PACRG: variants seen among roughly 807,000 people sequenced by gnomAD.
The protein encoded by PACRG is parkin coregulated gene protein.
PACRG carries 29 observed loss-of-function variants against 29.7 expected under a neutral mutation model. The ratio of observed to expected loss-of-function variants is 0.98; its 90% confidence interval spans 0.73 to 1.33. The LOEUF (loss-of-function observed/expected upper bound fraction) is 1.33, where lower values mean the gene tolerates loss of function less well. Among genes scored for constraint, PACRG ranks in the 40% most tolerant of loss-of-function variants. PACRG has a pLI of 0.00. For missense variants in PACRG, 279 were observed against 316.2 expected, an observed-to-expected ratio of 0.88 and a Z score of 0.89; for synonymous variants, 116 against 118.7, an observed-to-expected ratio of 0.98 and a Z score of 0.15.
chr6:163,027,892 A>T (rs549986829), intron 2 of PACRG, among the ~76,000 whole-genome samples: 1 of 152,280 alleles, frequency 6.6e-6, no homozygotes, highest in African/African-American at 2.4e-5. Context: ...TCTCTTTTCC[A>T]GTGGTAATAA....
At chr6:163,309,215 G>A (rs974396775) in intron 4 of PACRG, among the ~76,000 whole-genome samples, 4 of 152,214 alleles carry the variant, frequency 2.6e-5, no homozygotes, top group African/African-American at 9.6e-5. Context: ...GGCAGCAAAT[G>A]CTCCACATGC....
intron 4 of PACRG, among the ~76,000 whole-genome samples, chr6:163,201,641 A>C (rs1469617699): frequency 6.6e-6 from 1 of 152,204 alleles, no homozygotes. Context: ...AGAAAGGAAC[A>C]AGTCATGGGC....
intron 2 of PACRG, among the ~76,000 whole-genome samples, chr6:162,881,067 G>C (rs1229830203): frequency 6.6e-6 from 1 of 152,200 alleles, no homozygotes; most frequent in Non-Finnish European, 1.5e-5. Context: ...AGTGATGCTG[G>C]CAATGGTATC....
intron 2 of PACRG, among the ~76,000 whole-genome samples, chr6:162,822,607 T>C (rs926991335): frequency 6.6e-6 from 1 of 152,212 alleles, no homozygotes; most frequent in East Asian, 1.9e-4. Context: ...TTTGTAGCCA[T>C]AAATTCTCAA....
At chr6:162,791,073 T>G (rs563515877) in intron 1 of PACRG, among the ~76,000 whole-genome samples, 1 of 152,306 alleles carries the variant, frequency 6.6e-6, no homozygotes, top group South Asian at 2.1e-4. Context: ...GTACTGTAGT[T>G]AGGTAGAATT....
At chr6:162,827,227 T>G (rs1788363147) in intron 2 of PACRG, among the ~76,000 whole-genome samples, 1 of 152,196 alleles carries the variant, frequency 6.6e-6, no homozygotes, top group Non-Finnish European at 1.5e-5. Context: ...TTTTTATAAT[T>G]CTATTTGGGA....
In PACRG at chr6:163,220,341, A is replaced by C. The variant is rs112972077; in HGVS notation, c.614-94486A>C. On this transcript the variant is annotated intron_variant, in intron 4 of 4. Coordinates refer to ENST00000366888, the MANE Select transcript of PACRG (RefSeq NM_001080379.2). ...ATCCAGGGGTGTGCTCCCAGTACTC[A>C]GGCCTCTTGGCAGGGCATTCTGAGA... Among the ~76,000 whole-genome samples, 205 of 152,308 alleles carry C rather than the reference A, an allele frequency of 1.3e-3. 1 individual carries two copies. The highest frequency in any genetic ancestry group is 4.6e-3 in the African/African-American group (193 of 41,564).
intron 1 of PACRG, among the ~76,000 whole-genome samples, chr6:162,732,494 A>T (rs1479421551): frequency 1.3e-5 from 2 of 152,182 alleles, no homozygotes; most frequent in Non-Finnish European, 2.9e-5. Flanking sequence ...TCCGGCTCAA[A>T]CTCACAATGT....
chr6:163,099,219 G>A (rs1049472161), intron 4 of PACRG, among the ~76,000 whole-genome samples: 3 of 152,230 alleles, frequency 2.0e-5, no homozygotes, highest in African/African-American at 7.2e-5. Context: ...TGACTGGGTT[G>A]TGGCTGGTTT....
At chr6:163,231,489 T>C (rs1368495495) in intron 4 of PACRG, among the ~76,000 whole-genome samples, 3 of 152,138 alleles carry the variant, frequency 2.0e-5, no homozygotes, top group Admixed American at 6.5e-5. Context: ...CACAGTGACA[T>C]GCCGGGTTGT....
At chr6:163,248,518 A>G (rs1782780579) in intron 4 of PACRG, among the ~76,000 whole-genome samples, 3 of 152,126 alleles carry the variant, frequency 2.0e-5, no homozygotes, top group Admixed American at 6.5e-5. Flanking sequence ...CATAATGCAA[A>G]CACACTATTC....
chr6:163,099,489 T>C (rs1389923160), intron 4 of PACRG, among the ~76,000 whole-genome samples: 1 of 152,244 alleles, frequency 6.6e-6, no homozygotes, highest in Non-Finnish European at 1.5e-5. Context: ...TAGCAATTTC[T>C]AAAGCTTTAA....
chr6:163,053,317 C>T (rs972450186), intron 2 of PACRG, among the ~76,000 whole-genome samples: 1 of 152,082 alleles, frequency 6.6e-6, no homozygotes, highest in East Asian at 1.9e-4. Flanking sequence ...TAAGGGATTT[C>T]CTCATTTATC....
intron 2 of PACRG, among the ~76,000 whole-genome samples, chr6:162,964,328 ACT>A (rs1800860939): frequency 6.6e-6 from 1 of 152,198 alleles, no homozygotes; most frequent in African/African-American, 2.4e-5. Flanking sequence ...CACAGAGTAA[ACT>A]CTGATGACTT....
chr6:163,078,907 C>T (rs1039305209), intron 3 of PACRG, among the ~76,000 whole-genome samples: 3 of 151,810 alleles, frequency 2.0e-5, no homozygotes, highest in Admixed American at 6.5e-5. Context: ...TTTGCTGTGC[C>T]GCTTTGAACA....
intron 2 of PACRG, among the ~76,000 whole-genome samples, chr6:162,915,681 A>G (rs1796650944): frequency 1.3e-5 from 2 of 152,022 alleles, no homozygotes; most frequent in Non-Finnish European, 2.9e-5. Context: ...TCTCTTAGCT[A>G]TCAGCTATTC....
At chr6:162,785,798 C>T (rs989429136) in intron 1 of PACRG, among the ~76,000 whole-genome samples, 11 of 152,152 alleles carry the variant, frequency 7.2e-5, no homozygotes, top group East Asian at 5.8e-4. Flanking sequence ...ACCTGCTATG[C>T]GGCCCAGTTC....
chr6:162,968,038 G>A (rs973294238), intron 2 of PACRG, among the ~76,000 whole-genome samples: 1 of 152,054 alleles, frequency 6.6e-6, no homozygotes, highest in South Asian at 2.1e-4. Context: ...TCAAACTGTG[G>A]ATTACTTACA....
chr6:162,738,654 A>C (rs1291064317), intron 1 of PACRG, among the ~76,000 whole-genome samples: 1 of 152,182 alleles, frequency 6.6e-6, no homozygotes, highest in Non-Finnish European at 1.5e-5. Flanking sequence ...TATTTACTCC[A>C]ATATTTCATT....
Sources: allele counts gnomAD v4.1 joint callset (sites outside exome capture counted in the v4.1 genomes callset), GRCh38; gene constraint gnomAD v4.1.1; transcripts MANE v1.5; gene names NCBI Gene and HGNC (gene_info 2026-07-23, HGNC 2026-07-21).